The following HECTD4 variants were observed in gnomAD, a reference collection of about 807,000 sequenced individuals.
The protein encoded by HECTD4 is HECT domain E3 ubiquitin protein ligase 4, also known as probable E3 ubiquitin-protein ligase HECTD4.
In HECTD4, 114 loss-of-function variants were observed where a neutral mutation model predicts 471.5. That is an observed-to-expected ratio of 0.24 (90% CI 0.21 to 0.28). The LOEUF is 0.28. Among genes scored for constraint, HECTD4 ranks in the 10% least tolerant of loss-of-function variants. The pLI is 1.00. For synonymous variants in HECTD4, 2,012 were observed against 2,256.0 expected (o/e 0.89, Z 3.07); for missense variants, 3,866 against 5,651.5 (o/e 0.68, Z 10.13).
chr12:112,184,133 G>T lies in HECTD4; in HGVS notation c.10779+54C>A. 2 of 1,462,880 alleles carry T rather than the reference G, an allele frequency of 1.4e-6. No homozygotes were observed. The highest frequency in any genetic ancestry group is 1.9e-6 in the Non-Finnish European group (2 of 1,066,316). 90.6% of individuals were successfully genotyped at this position (1,462,880 alleles called of 1,614,324 possible). ...AACTTTGGAAGATTTAAAGAGGCTTGGGGGATTGAAATGGGTCATGATTTA... is the reference window on the plus strand; with the variant it reads ...AACTTTGGAAGATTTAAAGAGGCTTTGGGGATTGAAATGGGTCATGATTTA... On this transcript the variant is annotated intron_variant, in intron 61 of 75. Transcript: ENST00000682272. This position sits in a 1 kb window ranked among gnomAD's most constrained non-coding sequence, Gnocchi z 9.1.
At chr12:112,274,728 A>G (rs2034489793) in intron 10 of HECTD4, 119 bp downstream of exon 10, 2 of 669,864 alleles carry the variant, frequency 3.0e-6, no homozygotes, top group Middle Eastern at 2.5e-4. Context: ...ACAAAACAAA[A>G]CAAAAAACGT....
chr12:112,216,722 C>G, intron 47 of HECTD4, 51 bp downstream of exon 47: 1 of 1,595,854 alleles, frequency 6.3e-7, no homozygotes, highest in Non-Finnish European at 8.6e-7. Context: ...CTATACACAC[C>G]TTGTGGGAGG....
At chr12:112,200,860 C>CGTGT in intron 54 of HECTD4, 62 bp from the exon 55 acceptor site, 1 of 1,485,140 alleles carries the variant, frequency 6.7e-7, no homozygotes, top group East Asian at 2.4e-5. Flanking sequence ...TGTGTGCGTG[C>CGTGT]GTGCGTGTGT....
At chr12:112,362,348 A>G (rs965273983) in intron 1 of HECTD4, among the ~76,000 whole-genome samples, 1 of 152,156 alleles carries the variant, frequency 6.6e-6, no homozygotes, top group African/African-American at 2.4e-5. Context: ...ATACTTTAAT[A>G]TTCTCAAAAA....
At chr12:112,309,375 A>T (rs971252055) in intron 5 of HECTD4, among the ~76,000 whole-genome samples, 186 bp downstream of exon 5, 1 of 152,226 alleles carries the variant, frequency 6.6e-6, no homozygotes, top group Non-Finnish European at 1.5e-5. Context: ...GCTAAAATGC[A>T]TTAACAGAAC....
In HECTD4 at chr12:112,185,257, C is replaced by G. The variant is rs1334225027; in HGVS notation, c.9709G>C (p.Gly3237Arg). ...TQNWVSGGAC[G>R]GSGGAAAGDQ... ...CCGGCCGCCGCCCCCCCGGAGCCCC[C>G]GCAGGCGCCGCCTGAGACCCAGTTC... is the stretch of plus-strand genomic sequence containing the variant. Residue 3237 changes from glycine to arginine, a missense_variant, in exon 61 of 76, where the codon GGG (glycine) becomes CGG (arginine). Physicochemically the swap from Gly to Arg is moderately radical, Grantham distance 125. Transcript: ENST00000682272. The G allele has an allele frequency of 1.3e-6, 2 of 1,549,970 alleles. No homozygotes were observed. Among genetic ancestry groups the G allele is most frequent in the South Asian group, 1.2e-5 (1 of 84,012 alleles).
chr12:112,259,211 T>C lies in HECTD4; in HGVS notation c.2928A>G (p.Pro976=). ...TKATMLGHLL[P]VLLTSLMHPN... is the part of the protein sequence containing the mutation. The stretch of plus-strand genomic sequence containing the variant: ...GATGCATCAAGGAGGTCAGTAACAC[T>C]GGAAGAAGGTGACCAAGCATAGTAG... The change falls in exon 19 of 76, where the codon CCA becomes CCG. Residue 976 remains proline, a synonymous_variant. Coordinates refer to ENST00000682272, the MANE Select transcript of HECTD4 (RefSeq NM_001388303.1). 1 of 1,613,954 alleles carries C rather than the reference T, an allele frequency of 6.2e-7. No individual in the cohort carries two copies. Among genetic ancestry groups the C allele is most frequent in the Non-Finnish European group, 8.5e-7 (1 of 1,179,846 alleles).
At chr12:112,223,667 A>T (rs1378259088) in intron 44 of HECTD4, among the ~76,000 whole-genome samples, 1 of 152,134 alleles carries the variant, frequency 6.6e-6, no homozygotes, top group African/African-American at 2.4e-5. Flanking sequence ...TGATCTGCCC[A>T]CCTTGGCCTC....
At chr12:112,263,155 T>C (rs189815562) in intron 17 of HECTD4, among the ~76,000 whole-genome samples, 80 of 152,340 alleles carry the variant, frequency 5.3e-4, no homozygotes, top group Non-Finnish European at 1.3e-4. Context: ...AGAAGTTAAA[T>C]AAATATTATC....
In HECTD4 at chr12:112,193,433, A is replaced by G; in HGVS notation, c.8955+36T>C. 1.3e-6 allele frequency: 2 copies of G among 1,565,472 alleles called. No homozygotes were observed. The highest frequency in any genetic ancestry group is 1.7e-6 in the Non-Finnish European group (2 of 1,149,504). ...AGTGAGACTCCCAGTTAAAAATGGT[A>G]ACCACACTGCAGGAACATGAGCTTT... On this transcript the variant is annotated intron_variant, in intron 57 of 75. Transcript: ENST00000682272. The surrounding 1 kb of genome is among the most constrained non-coding windows in gnomAD (Gnocchi z 5.2).
intron 72 of HECTD4, among the ~76,000 whole-genome samples, chr12:112,165,438 G>A (rs1488062849): frequency 2.1e-5 from 3 of 145,058 alleles, no homozygotes; most frequent in Non-Finnish European, 4.5e-5. Flanking sequence ...TGCAAGCTCC[G>A]CCTCTCGAGT....
At chr12:112,176,468 C>A in intron 65 of HECTD4, 128 bp downstream of exon 65, 1 of 665,322 alleles carries the variant, frequency 1.5e-6, no homozygotes, top group Non-Finnish European at 2.7e-6. Flanking sequence ...GAACCCAGAG[C>A]CCAGAGCAGA....
chr12:112,262,465 G>A (rs546973479), intron 17 of HECTD4, among the ~76,000 whole-genome samples: 193 of 122,752 alleles, frequency 1.6e-3, no homozygotes, highest in Admixed American at 2.3e-3. Context: ...GCAGTGAGCC[G>A]AGATTGCACC....
At chr12:112,314,419 G>T in intron 3 of HECTD4, 38 bp downstream of exon 3, 2 of 1,067,024 alleles carry the variant, frequency 1.9e-6, no homozygotes, top group Non-Finnish European at 2.8e-6. Flanking sequence ...AATCTGCCTA[G>T]TTTGGAAGGA....
In HECTD4 at chr12:112,189,318, C is replaced by T. The variant is rs539954822; in HGVS notation, c.9472+1468G>A. Among the ~76,000 whole-genome samples, 181 of 151,904 alleles carry T rather than the reference C, an allele frequency of 1.2e-3. 1 individual carries two copies. The highest frequency in any genetic ancestry group is 4.0e-3 in the South Asian group (19 of 4,810). Reference sequence around the variant, plus strand: ...CTGTAATCCCAGCACTTTGGGAGGCCGAGGCGGGTGGATCACGAGGTCAGG... The same window carrying T: ...CTGTAATCCCAGCACTTTGGGAGGCTGAGGCGGGTGGATCACGAGGTCAGG... On this transcript the variant is annotated intron_variant, in intron 60 of 75. Transcript: ENST00000682272.
intron 7 of HECTD4, among the ~76,000 whole-genome samples, chr12:112,300,403 G>T (rs766169868): frequency 6.6e-6 from 1 of 151,838 alleles, no homozygotes; most frequent in Non-Finnish European, 1.5e-5. Context: ...ATCCAGGAAT[G>T]CTATTGGATA....
chr12:112,266,100 C>G, intron 14 of HECTD4, 117 bp from the exon 15 acceptor site: 1 of 656,274 alleles, frequency 1.5e-6, no homozygotes, highest in South Asian at 2.0e-5. Context: ...ACCAGACATA[C>G]GGACTTATAC....
chr12:112,200,666 G>A lies in HECTD4; in HGVS notation c.8539C>T (p.Leu2847=). 6.2e-7 allele frequency: 1 copy of A among 1,613,944 alleles called. No individual in the cohort carries two copies. Residue 2847 remains leucine (L), a synonymous_variant, in exon 55 of 76, where the codon CTG becomes TTG. Transcript: ENST00000682272. ...RRTATNGLVT[L]DNTNLQIHRE... is the part of the protein sequence containing the mutation. ...TGAATTTGAAGGTTGGTATTGTCCAGTGTGACCAGCCCATTGGTGGCAGTC... is the reference window on the plus strand; with the variant it reads ...TGAATTTGAAGGTTGGTATTGTCCAATGTGACCAGCCCATTGGTGGCAGTC...
At chr12:112,168,675 C>G (rs1229842819) in intron 70 of HECTD4, among the ~76,000 whole-genome samples, 1 of 152,240 alleles carries the variant, frequency 6.6e-6, no homozygotes, top group African/African-American at 2.4e-5. Flanking sequence ...CTGCTGACGC[C>G]TGGAAGGCCA....
Sources: allele counts gnomAD v4.1 joint callset (sites outside exome capture counted in the v4.1 genomes callset), GRCh38; gene constraint gnomAD v4.1.1; non-coding constraint Gnocchi (gnomAD v3.1); transcripts MANE v1.5; gene names NCBI Gene and HGNC (gene_info 2026-07-23, HGNC 2026-07-21).